CTDSPL: variants seen among roughly 807,000 people sequenced by gnomAD.
The protein encoded by CTDSPL is CTD small phosphatase-like protein.
A neutral mutation model predicts 30.5 loss-of-function variants in CTDSPL; 8 were observed. The observed-to-expected ratio is 0.26, with a 90% CI of 0.15 to 0.47. CTDSPL has a LOEUF of 0.47. Among genes scored for constraint, CTDSPL ranks in the 20% least tolerant of loss-of-function variants. The pLI is 0.99. For missense variants in CTDSPL, 248 were observed against 366.1 expected, an observed-to-expected ratio of 0.68 and a Z score of 2.63; for synonymous variants, 110 against 137.9, an observed-to-expected ratio of 0.80 and a Z score of 1.42.
intron 1 of CTDSPL, among the ~76,000 whole-genome samples, chr3:37,933,419 C>T (rs1698878840): frequency 6.6e-6 from 1 of 152,096 alleles, no homozygotes; most frequent in Non-Finnish European, 1.5e-5. Context: ...TGTACATATA[C>T]ATGTGTTTTA....
chr3:37,964,305 A>C (rs1699276111), intron 3 of CTDSPL, among the ~76,000 whole-genome samples: 1 of 152,178 alleles, frequency 6.6e-6, no homozygotes, highest in South Asian at 2.1e-4. Flanking sequence ...AGGTATTACT[A>C]TCCCAATTTA....
intron 1 of CTDSPL, among the ~76,000 whole-genome samples, chr3:37,878,113 G>A (rs2125591057): frequency 6.6e-6 from 1 of 152,234 alleles, no homozygotes; most frequent in East Asian, 1.9e-4. Context: ...TTGTTTGTTT[G>A]TTTGTTTGTT....
intron 1 of CTDSPL, among the ~76,000 whole-genome samples, chr3:37,890,661 C>T (rs1698314301): frequency 1.3e-5 from 2 of 152,164 alleles, no homozygotes; most frequent in Non-Finnish European, 2.9e-5. Flanking sequence ...CCACAGGCGT[C>T]GCCAGCATGG....
chr3:37,898,347 G>GA (rs1350026098), intron 1 of CTDSPL, among the ~76,000 whole-genome samples: 9 of 152,170 alleles, frequency 5.9e-5, no homozygotes, highest in Non-Finnish European at 1.2e-4. Flanking sequence ...ATACTGTACT[G>GA]AAATGTATGC....
intron 1 of CTDSPL, among the ~76,000 whole-genome samples, chr3:37,925,400 CT>C (rs1258304019): frequency 6.6e-6 from 1 of 152,182 alleles, no homozygotes; most frequent in African/African-American, 2.4e-5. Context: ...TCTACCCGGA[CT>C]CATTGAGCTT....
intron 1 of CTDSPL, among the ~76,000 whole-genome samples, chr3:37,932,681 T>A (rs545400018): frequency 6.6e-6 from 1 of 152,260 alleles, no homozygotes; most frequent in Non-Finnish European, 1.5e-5. Flanking sequence ...GCATCAGTGC[T>A]TCTATTGGCA....
chr3:37,950,331 G>C (rs1221923131), intron 2 of CTDSPL, among the ~76,000 whole-genome samples: 1 of 152,152 alleles, frequency 6.6e-6, no homozygotes, highest in African/African-American at 2.4e-5. Flanking sequence ...CACTGAGAAA[G>C]TCCAAGTTGG....
At chr3:37,900,999 G>A (rs1305533922) in intron 1 of CTDSPL, among the ~76,000 whole-genome samples, 2 of 152,124 alleles carry the variant, frequency 1.3e-5, no homozygotes, top group Non-Finnish European at 2.9e-5. Context: ...GTTTCACCAT[G>A]TTGGCCAGGC....
At chr3:37,974,220 C>T (rs1162288712) in intron 6 of CTDSPL, among the ~76,000 whole-genome samples, 1 of 152,236 alleles carries the variant, frequency 6.6e-6, no homozygotes, top group East Asian at 1.9e-4. Flanking sequence ...CAGCAGATGA[C>T]TGTAGTGCCC....
In CTDSPL at chr3:37,984,123, T is replaced by C; in HGVS notation, c.*3256T>C. 2.2e-6 allele frequency: 1 copy of C among 445,530 alleles called. No individual in the cohort carries two copies. The highest frequency in any genetic ancestry group is 4.6e-6 in the Non-Finnish European group (1 of 218,010). 27.6% of individuals were successfully genotyped at this position (445,530 alleles called of 1,614,324 possible). ...AAGGTGCTGTGCTGGACAGTTGGCA[T>C]GCCAGGGTTCGAGAAGAGTGAATGG... is the stretch of plus-strand genomic sequence containing the variant. On this transcript the variant is annotated 3_prime_UTR_variant, in exon 8 of 8. Coordinates refer to ENST00000273179, the MANE Select transcript of CTDSPL (RefSeq NM_001008392.2).
At chr3:37,917,322 G>A (rs1003425757) in intron 1 of CTDSPL, among the ~76,000 whole-genome samples, 1 of 152,062 alleles carries the variant, frequency 6.6e-6, no homozygotes, top group Non-Finnish European at 1.5e-5. Flanking sequence ...AATTTAGCAG[G>A]GTATGAATAA....
chr3:37,912,891 T>C (rs1698599534), intron 1 of CTDSPL, among the ~76,000 whole-genome samples: 1 of 152,256 alleles, frequency 6.6e-6, no homozygotes. Context: ...TGCTATGTGC[T>C]AGATACTGTC....
chr3:37,866,336 A>G (rs946176560), intron 1 of CTDSPL, among the ~76,000 whole-genome samples: 1 of 152,214 alleles, frequency 6.6e-6, no homozygotes, highest in African/African-American at 2.4e-5. Context: ...AAAATCACAC[A>G]TACACACAAC....
chr3:37,948,468 C>T (rs764292019), intron 2 of CTDSPL, among the ~76,000 whole-genome samples: 8 of 152,132 alleles, frequency 5.3e-5, no homozygotes, highest in Non-Finnish European at 1.0e-4. Context: ...ACACAAAAGT[C>T]ATAAAACTTT....
chr3:37,873,399 C>T (rs553741023), intron 1 of CTDSPL, among the ~76,000 whole-genome samples: 4 of 152,250 alleles, frequency 2.6e-5, no homozygotes, highest in African/African-American at 9.6e-5. Flanking sequence ...CGGTTTTCTC[C>T]CATAGCCAGC....
intron 1 of CTDSPL, among the ~76,000 whole-genome samples, chr3:37,934,525 A>T (rs1013019689): frequency 6.6e-6 from 1 of 152,232 alleles, no homozygotes; most frequent in African/African-American, 2.4e-5. Flanking sequence ...ATCCAGAAAT[A>T]GCCACACTCA....
chr3:37,902,171 A>G (rs1446023460), intron 1 of CTDSPL, among the ~76,000 whole-genome samples: 2 of 152,248 alleles, frequency 1.3e-5, no homozygotes, highest in Non-Finnish European at 2.9e-5. Context: ...AGGTGGGCAC[A>G]TTGCCATCCC....
chr3:37,876,801 T>G (rs1698139410), intron 1 of CTDSPL, among the ~76,000 whole-genome samples: 1 of 152,114 alleles, frequency 6.6e-6, no homozygotes, highest in Admixed American at 6.5e-5. Context: ...CAGAAATTCT[T>G]ATTATGATAA....
intron 5 of CTDSPL, chr3:37,969,406 G>A (rs1252558168): frequency 1.9e-6 from 1 of 529,772 alleles, no homozygotes; most frequent in Non-Finnish European, 3.9e-6. Context: ...CGAAGGCCGT[G>A]GCCTCGTTCA....
Sources: gnomAD v4.1 joint callset for allele counts (sites outside exome capture counted in the v4.1 genomes callset) on GRCh38, gnomAD v4.1.1 for gene constraint, MANE v1.5 for transcripts, NCBI Gene and HGNC (gene_info 2026-07-23, HGNC 2026-07-21) for gene names.